Variants in VTI1A observed in about 807,000 individuals in gnomAD.
VTI1A encodes vesicle transport through interaction with t-SNAREs 1A, also known as vesicle transport through interaction with t-SNAREs homolog 1A.
A neutral mutation model predicts 34.9 loss-of-function variants in VTI1A; 22 were observed. That is an observed-to-expected ratio of 0.63 (90% confidence interval 0.45 to 0.90). VTI1A has a LOEUF of 0.90. VTI1A is among the 40% of genes least tolerant of loss of function. The probability of loss-of-function intolerance (pLI) is 0.00; values close to 1 mark genes in which losing one functional copy is unlikely to be tolerated. For missense variants in VTI1A, 268 were observed against 275.6 expected (o/e 0.97, Z 0.20); for synonymous variants, 87 against 97.3 (o/e 0.89, Z 0.62).
In VTI1A at chr10:112,570,245, T is replaced by A. The variant is rs538613128; in HGVS notation, c.427+31915T>A. On this transcript the variant is annotated intron_variant, in intron 5 of 7. Transcript: ENST00000393077. ...AACTCTAAACTGGCTGTGTACAAAA[T>A]TTTTTTTTTTAAGTTTGGAAACTGA... 5.5e-5 allele frequency among the ~76,000 whole-genome samples: 8 copies of A among 144,978 alleles called. No homozygotes were observed. In the East Asian group the frequency reaches 7.8e-4, roughly 14 times the overall value.
At chr10:112,736,820 C>T (rs536950405) in intron 7 of VTI1A, 1 of 1,231,558 alleles carries the variant, frequency 8.1e-7, no homozygotes, top group Non-Finnish European at 1.2e-6. Flanking sequence ...ATTGTGCCTT[C>T]AATGAGAAGC....
intron 3 of VTI1A, among the ~76,000 whole-genome samples, chr10:112,471,909 C>G (rs1356171336): frequency 1.3e-5 from 2 of 152,018 alleles, no homozygotes; most frequent in African/African-American, 4.8e-5. Flanking sequence ...AAAAAACCCT[C>G]CAAAATTGTA....
intron 7 of VTI1A, among the ~76,000 whole-genome samples, chr10:112,768,828 G>T (rs1049390605): frequency 2.6e-5 from 4 of 152,132 alleles, no homozygotes; most frequent in Non-Finnish European, 5.9e-5. Flanking sequence ...CCTCATGTCT[G>T]CAACTGACTC....
intron 7 of VTI1A, among the ~76,000 whole-genome samples, chr10:112,733,296 T>C (rs888736171): frequency 6.6e-6 from 1 of 152,202 alleles, no homozygotes; most frequent in African/African-American, 2.4e-5. Flanking sequence ...ATGCAGTATA[T>C]TTACAATGTT....
chr10:112,527,113 C>T lies in VTI1A; in HGVS notation c.291C>T (p.Asp97=), dbSNP rs745782117. 82 of 1,613,172 alleles carry T rather than the reference C, an allele frequency of 5.1e-5. No homozygotes were observed. The Admixed American group carries it at 6.8e-4, about 13-fold the overall frequency. Reference sequence around the variant, plus strand: ...AAAGGTCACGGATCGCCTACAGTGACGAAGTACGGAATGAGCTCCTGGGGG... The same window carrying T: ...AAAGGTCACGGATCGCCTACAGTGATGAAGTACGGAATGAGCTCCTGGGGG... ...DFKRSRIAYS[D]EVRNELLGDD... is the part of the protein sequence containing the mutation. Residue 97 remains aspartate, a synonymous_variant, in exon 4 of 8, where the codon GAC becomes GAT. Coordinates refer to ENST00000393077, the MANE Select transcript of VTI1A (RefSeq NM_145206.4).
At chr10:112,642,977 CTTT>C (rs58619611) in intron 5 of VTI1A, among the ~76,000 whole-genome samples, 2 of 121,012 alleles carry the variant, frequency 1.7e-5, no homozygotes, top group Non-Finnish European at 3.3e-5. Context: ...TTTTTCTTTT[CTTT>C]TTTTTTTTTT....
intron 5 of VTI1A, among the ~76,000 whole-genome samples, chr10:112,584,941 T>C (rs1844087739): frequency 6.6e-6 from 1 of 152,230 alleles, no homozygotes; most frequent in Non-Finnish European, 1.5e-5. Flanking sequence ...AGAATGTTAT[T>C]TGACAGGCTT....
intron 5 of VTI1A, among the ~76,000 whole-genome samples, chr10:112,539,698 G>A (rs533599946): frequency 1.3e-5 from 2 of 152,174 alleles, no homozygotes; most frequent in South Asian, 2.1e-4. Flanking sequence ...ACGTAACCTC[G>A]CTGAGCCTCA....
chr10:112,713,221 C>A (rs1247379253), intron 7 of VTI1A, among the ~76,000 whole-genome samples: 1 of 152,178 alleles, frequency 6.6e-6, no homozygotes, highest in Non-Finnish European at 1.5e-5. Context: ...CCCAATGGAG[C>A]ACTAGTATTC....
At chr10:112,791,878 A>T (rs748513319) in intron 7 of VTI1A, among the ~76,000 whole-genome samples, 1 of 151,860 alleles carries the variant, frequency 6.6e-6, no homozygotes, top group African/African-American at 2.4e-5. Flanking sequence ...TGAGGGAAAC[A>T]CTTTCAAATA....
At position 112,719,580 on chromosome 10, in the gene VTI1A, C is replaced by T. The variant is rs372654404; in HGVS notation, c.560+50582C>T. ...TTTTTTTTTGAGGCAGAGATTTGCT[C>T]TTGTTGCCCAGGCTGCAGTGCAATG... On this transcript the variant is annotated intron_variant, in intron 7 of 7. Coordinates refer to ENST00000393077, the MANE Select transcript of VTI1A (RefSeq NM_145206.4). Among the ~76,000 whole-genome samples the T allele has an allele frequency of 6.2e-4, 93 of 150,516 alleles. 1 individual carries two copies. Among genetic ancestry groups the T allele is most frequent in the Non-Finnish European group, 1.1e-3 (76 of 67,776 alleles).
At chr10:112,611,566 C>G (rs1845310703) in intron 5 of VTI1A, among the ~76,000 whole-genome samples, 2 of 151,952 alleles carry the variant, frequency 1.3e-5, no homozygotes, top group African/African-American at 4.8e-5. Flanking sequence ...TAGAGGTCAT[C>G]AAGATTATGC....
chr10:112,460,726 GA>G (rs1328977678), intron 2 of VTI1A, 144 bp downstream of exon 2: 1 of 597,674 alleles, frequency 1.7e-6, no homozygotes, highest in Admixed American at 4.2e-5. Flanking sequence ...TTTTTAAATT[GA>G]AGAGATTTTA....
intron 1 of VTI1A, among the ~76,000 whole-genome samples, chr10:112,456,737 G>A (rs1847541956): frequency 6.6e-6 from 1 of 152,192 alleles, no homozygotes; most frequent in African/African-American, 2.4e-5. Flanking sequence ...CCTGCCCTCT[G>A]TAGGTCAAGA....
the VTI1A span, among the ~76,000 whole-genome samples, chr10:112,850,347 C>A: frequency 8.5e-6 from 1 of 118,242 alleles, no homozygotes; most frequent in Admixed American, 1.1e-4. Flanking sequence ...TGAGTCATGG[C>A]ACCTTTAAAG....
rs558372491 is a variant in VTI1A, at chr10:112,575,580, A to C, written c.427+37250A>C. Among the ~76,000 whole-genome samples, 9 of 152,354 alleles carry C rather than the reference A, an allele frequency of 5.9e-5. No homozygotes were observed. The East Asian group carries it at 1.7e-3, about 29-fold the overall frequency. ...TGCTGAGAGTGCTCTATAGGGAAAC[A>C]TGCTGGCTCTGTTTACAGTCCAGTG... On this transcript the variant is annotated intron_variant, in intron 5 of 7. Transcript: ENST00000393077.
At chr10:112,618,122 C>G (rs1378853002) in intron 5 of VTI1A, among the ~76,000 whole-genome samples, 1 of 151,986 alleles carries the variant, frequency 6.6e-6, no homozygotes, top group Non-Finnish European at 1.5e-5. Context: ...CCATTGTACT[C>G]CAGCTTGAGC....
At chr10:112,674,814 G>T (rs1847971850) in intron 7 of VTI1A, among the ~76,000 whole-genome samples, 1 of 152,178 alleles carries the variant, frequency 6.6e-6, no homozygotes, top group Non-Finnish European at 1.5e-5. Flanking sequence ...AACTTAGTTT[G>T]CTCTTTTGAC....
intron 3 of VTI1A, among the ~76,000 whole-genome samples, chr10:112,497,291 C>A (rs1849061795): frequency 2.0e-5 from 3 of 151,298 alleles, no homozygotes; most frequent in Admixed American, 6.6e-5. Flanking sequence ...GCACTCCAGC[C>A]TGGGTGACAG....
Sources: allele counts gnomAD v4.1 joint callset (sites outside exome capture counted in the v4.1 genomes callset), GRCh38; gene constraint gnomAD v4.1.1; transcripts MANE v1.5; gene names NCBI Gene and HGNC (gene_info 2026-07-23, HGNC 2026-07-21).